Variants in DNASE1L1 observed in about 807,000 individuals in gnomAD.
The protein encoded by DNASE1L1 is deoxyribonuclease-1-like 1.
Under a neutral mutation model 18.6 loss-of-function variants are expected in DNASE1L1, and 8 were observed. The ratio of observed to expected loss-of-function variants is 0.43; its 90% CI spans 0.25 to 0.78. The LOEUF is 0.78. DNASE1L1 is among the 30% of genes least tolerant of loss of function. The pLI is 0.23. For missense variants in DNASE1L1, 214 were observed against 258.2 expected, an observed-to-expected ratio of 0.83 and a Z score of 1.17; for synonymous variants, 114 against 114.2, an observed-to-expected ratio of 1.00 and a Z score of 0.01.
In DNASE1L1 at chrX:154,403,165, T is replaced by C; in HGVS notation, c.551A>G (p.Asn184Ser). Residue 184 changes from asparagine to serine, a missense_variant, in exon 7 of 8, where the codon AAT becomes AGT. Asn to Ser is a conservative substitution (Grantham distance 46, BLOSUM62 1). Transcript: ENST00000369807. ...TTTGGTCAGTGAAGCGCAGTCAGCA[T>C]TGAAGTCCCCAAGCAGGATCACGTC... ...SKDVILLGDF[N>S]ADCASLTKKR... 2 of 1,211,369 alleles carry C rather than the reference T, an allele frequency of 1.7e-6. No individual in the cohort carries two copies. The highest frequency in any genetic ancestry group is 2.2e-6 in the Non-Finnish European group (2 of 895,404).
At chrX:154,411,649 G>C (rs782359370), upstream of DNASE1L1, 7 of 485,801 alleles carry the variant, frequency 1.4e-5, no homozygotes, top group South Asian at 1.8e-4. Context: ...CCAGTGACGA[G>C]AGAGCGGGGC....
rs782014125 is a variant in DNASE1L1 at position 154,403,523 on chromosome X, A to G, written c.411T>C (p.Asn137=). 1 of 1,210,021 alleles carries G rather than the reference A, an allele frequency of 8.3e-7. No individual in the cohort carries two copies. The highest frequency in any genetic ancestry group is 2.2e-5 in the Admixed American group (1 of 46,015). The change falls in exon 5 of 8, where the codon AAT becomes AAC. Residue 137 remains asparagine (N), a splice_region_variant and synonymous_variant. Coordinates refer to ENST00000369807, the MANE Select transcript of DNASE1L1 (RefSeq NM_001303620.2). ...CCAAGCCCACCCTTCCCTTCCTACCATTGCTGGGCAAAGAGAACTGGGCCA... is the reference window on the plus strand; with the variant it reads ...CCAAGCCCACCCTTCCCTTCCTACCGTTGCTGGGCAAAGAGAACTGGGCCA... ...PFVAQFSLPS[N]VLPSLVLVPL...
chrX:154,401,544 T>A lies in DNASE1L1; in HGVS notation c.*1163A>T, dbSNP rs2068035360. On this transcript the variant is annotated 3_prime_UTR_variant, in exon 8 of 8. Coordinates refer to ENST00000369807, the MANE Select transcript of DNASE1L1 (RefSeq NM_001303620.2). ...GTGGCATGGTTTGGCCTGGGGATCT[T>A]AGATGTCTGACCTGAACTATTGTAG... 1 of 117,011 alleles carries A rather than the reference T, an allele frequency of 8.5e-6. No homozygotes were observed. Among genetic ancestry groups the A allele is most frequent in the African/African-American group, 3.2e-5 (1 of 30,813 alleles). The allele number at this position is 117,011 out of a possible 1,213,427, so 9.6% of individuals were successfully genotyped here. A position where few individuals can be genotyped will look rare whatever the true frequency, so the allele number is the denominator to read the frequency against.
intron 2 of DNASE1L1, 110 bp from the exon 3 acceptor site, chrX:154,405,193 C>G: frequency 1.2e-6 from 1 of 853,612 alleles, no homozygotes; most frequent in Non-Finnish European, 1.6e-6. Flanking sequence ...GGCTCACTGA[C>G]TGCAGCCCAC....
At position 154,404,923 on chromosome X, in the gene DNASE1L1, A is replaced by G; in HGVS notation, c.225-9T>C. The stretch of plus-strand genomic sequence containing the variant: ...GCCCAGAGCCATCAAATCTGCCAAG[A>G]AAAGGGGAGGCGGGGTCAGGGCCTC... On this transcript the variant is annotated splice_polypyrimidine_tract_variant and intron_variant, in intron 3 of 7. Coordinates refer to ENST00000369807, the MANE Select transcript of DNASE1L1 (RefSeq NM_001303620.2). 8.3e-7 allele frequency: 1 copy of G among 1,210,295 alleles called. No individual in the cohort carries two copies. The highest frequency in any genetic ancestry group is 1.1e-6 in the Non-Finnish European group (1 of 894,538).
upstream of DNASE1L1, chrX:154,411,724 C>CT (rs1555939886): frequency 0.15 from 104,494 of 694,873 alleles, 8,707 homozygotes; most frequent in African/African-American, 0.54. Flanking sequence ...GCCGCGCCCC[C>CT]GTCCGTCCGT....
intron 1 of DNASE1L1, 117 bp from the exon 2 acceptor site, chrX:154,405,772 C>CAAA: frequency 4.1e-6 from 1 of 242,186 alleles, no homozygotes; most frequent in Non-Finnish European, 7.2e-6. Flanking sequence ...ACTCTGTCTC[C>CAAA]AAAAAAAAAA....
At chrX:154,409,342 G>A, upstream of DNASE1L1, 2 of 229,114 alleles carry the variant, frequency 8.7e-6, no homozygotes, top group South Asian at 9.0e-5. Context: ...CCAGCACCAG[G>A]CCTGGGAACT....
Position 154,402,511 on chromosome X carries a change from G to A in DNASE1L1, c.*196C>T. 2.3e-6 allele frequency: 1 copy of A among 429,704 alleles called. No homozygotes were observed. Among genetic ancestry groups the A allele is most frequent in the Admixed American group, 4.4e-5 (1 of 22,739 alleles). The allele number at this position is 429,704 out of a possible 1,213,427, so 35.4% of individuals were successfully genotyped here. Reference sequence around the variant, plus strand: ...TACCTGGCAGGTGGCATGAGTGCAGGGCCCCTGGCTTCCTCTCCTAATCTA... The same window carrying A: ...TACCTGGCAGGTGGCATGAGTGCAGAGCCCCTGGCTTCCTCTCCTAATCTA... On this transcript the variant is annotated 3_prime_UTR_variant, in exon 8 of 8. Transcript: ENST00000369807.
At chrX:154,408,986 A>C (rs1002044696) in intron 1 of DNASE1L1, 126 bp downstream of exon 1, 2 of 257,436 alleles carry the variant, frequency 7.8e-6, no homozygotes, top group South Asian at 3.9e-5. Context: ...TCCTGGCTTC[A>C]GCCCCAAACC....
At chrX:154,411,553 G>A (rs1557190332), upstream of DNASE1L1, 2 of 369,170 alleles carry the variant, frequency 5.4e-6, no homozygotes, top group African/African-American at 2.7e-5. Flanking sequence ...TCCGGCGGTT[G>A]CACCGGGCCG....
In DNASE1L1 at chrX:154,403,135, C is replaced by T. The variant is rs199865662; in HGVS notation, c.581G>A (p.Arg194His). 1.7e-5 allele frequency: 20 copies of T among 1,210,134 alleles called. No homozygotes were observed. The highest frequency in any genetic ancestry group is 2.3e-4 in the Middle Eastern group (1 of 4,376). Residue 194 changes from arginine (R) to histidine (H), a missense_variant, in exon 7 of 8, where the codon CGC becomes CAC. Physicochemically the swap from Arg to His is conservative, Grantham distance 29 (BLOSUM62 0). Coordinates refer to ENST00000369807, the MANE Select transcript of DNASE1L1 (RefSeq NM_001303620.2). ...AGTCCGCAGCTCCAGCTTGTCCAGGCGCTTTTTGGTCAGTGAAGCGCAGTC... is the reference window on the plus strand; with the variant it reads ...AGTCCGCAGCTCCAGCTTGTCCAGGTGCTTTTTGGTCAGTGAAGCGCAGTC... ...NADCASLTKKRLDKLELRTEP... is the reference protein window; with the variant it reads ...NADCASLTKKHLDKLELRTEP...
At chrX:154,411,800 GCCGGCCCGGGGCGCTGGGAGCGCCGGC>G (rs1174078201), upstream of DNASE1L1, 3 of 1,124,622 alleles carry the variant, frequency 2.7e-6, no homozygotes, top group East Asian at 6.5e-5. Context: ...CGCCCCACAG[GCCGGCCCGGGGCGCTGGGAGCGCCGGC>G]CGCGGGCCGG....
chrX:154,402,702 GA>G lies in DNASE1L1; in HGVS notation c.*4del. The G allele has an allele frequency of 1.7e-6, 2 of 1,204,853 alleles. No individual in the cohort carries two copies. Among genetic ancestry groups the G allele is most frequent in the Non-Finnish European group, 1.1e-6 (1 of 891,527 alleles). On this transcript the variant is annotated 3_prime_UTR_variant, in exon 8 of 8. Coordinates refer to ENST00000369807, the MANE Select transcript of DNASE1L1 (RefSeq NM_001303620.2). ...GCAGCAGGCCCTGGGGGGGTAGGGG[GA>G]CGCTCAGGCAGCAGGGCACAGCTGA...
At chrX:154,410,430 G>A (rs1557189813), upstream of DNASE1L1, among the ~76,000 whole-genome samples, 2 of 110,882 alleles carry the variant, frequency 1.8e-5, no homozygotes, top group African/African-American at 3.3e-5. Flanking sequence ...GCTTGCGCCT[G>A]TAATCCCAGC....
Position 154,402,665 on chromosome X carries a change from A to C in DNASE1L1, c.*42T>G. 2 of 1,169,092 alleles carry C rather than the reference A, an allele frequency of 1.7e-6. No homozygotes were observed. Among genetic ancestry groups the C allele is most frequent in the Non-Finnish European group, 2.3e-6 (2 of 870,226 alleles). On this transcript the variant is annotated 3_prime_UTR_variant, in exon 8 of 8. Transcript: ENST00000369807. Reference sequence around the variant, plus strand: ...GGATGGACGGGGGAGGCTGGGGTTTAAGTCCCAAAAGGCAGCAGGCCCTGG... The same window carrying C: ...GGATGGACGGGGGAGGCTGGGGTTTCAGTCCCAAAAGGCAGCAGGCCCTGG...
At position 154,404,920 on chromosome X, in the gene DNASE1L1, A is replaced by G; in HGVS notation, c.225-6T>C. The G allele has an allele frequency of 8.3e-7, 1 of 1,210,543 alleles. No individual in the cohort carries two copies. On this transcript the variant is annotated splice_region_variant and splice_polypyrimidine_tract_variant and intron_variant, in intron 3 of 7. Coordinates refer to ENST00000369807, the MANE Select transcript of DNASE1L1 (RefSeq NM_001303620.2). ...AGGGCCCAGAGCCATCAAATCTGCC[A>G]AGAAAAGGGGAGGCGGGGTCAGGGC...
intron 1 of DNASE1L1, among the ~76,000 whole-genome samples, chrX:154,406,922 C>T (rs2068165733): frequency 9.0e-6 from 1 of 110,989 alleles, no homozygotes; most frequent in Admixed American, 9.6e-5. Context: ...GGGTATATAC[C>T]CAGAAGTGGA....
upstream of DNASE1L1, chrX:154,411,400 G>C: frequency 5.1e-6 from 1 of 197,575 alleles, no homozygotes; most frequent in South Asian, 5.0e-5. Context: ...GACAAAAGGC[G>C]AGCGCAGGAG....
Sources: gnomAD v4.1 joint callset for allele counts (sites outside exome capture counted in the v4.1 genomes callset) on GRCh38, gnomAD v4.1.1 for gene constraint, MANE v1.5 for transcripts, NCBI Gene and HGNC (gene_info 2026-07-23, HGNC 2026-07-21) for gene names.